The following GRK5 variants were observed in gnomAD, a reference collection of about 807,000 sequenced individuals.
GRK5 encodes g protein-coupled receptor kinase GRK5.
In GRK5, 40 loss-of-function variants were observed where a neutral mutation model predicts 78.4. That is an observed-to-expected ratio of 0.51 (90% CI 0.40 to 0.66). The LOEUF is 0.66. Ranked by LOEUF, GRK5 falls within the 30% of genes least tolerant of loss-of-function variation. GRK5 has a pLI of 0.00. For synonymous variants in GRK5, 289 were observed against 296.8 expected (o/e 0.97, Z 0.27); for missense variants, 598 against 759.9 (o/e 0.79, Z 2.50).
chr10:119,313,583 G>A (rs1356884090), intron 1 of GRK5, among the ~76,000 whole-genome samples: 2 of 152,146 alleles, frequency 1.3e-5, no homozygotes, highest in Non-Finnish European at 2.9e-5. Context: ...CAGTGAAGAT[G>A]TCATGAGGCA....
chr10:119,273,925 C>A (rs1295381028), intron 1 of GRK5, among the ~76,000 whole-genome samples: 1 of 152,176 alleles, frequency 6.6e-6, no homozygotes, highest in African/African-American at 2.4e-5. Flanking sequence ...AGGCACATGC[C>A]ACCACACCTG....
In GRK5 at chr10:119,279,054, T is replaced by A. The variant is rs575938374; in HGVS notation, c.53-47462T>A. On this transcript the variant is annotated intron_variant, in intron 1 of 15. Coordinates refer to ENST00000392870, the MANE Select transcript of GRK5 (RefSeq NM_005308.3). ...CACCATGCCAAGCTAATTTTTTGTA[T>A]TTTTTTTAGTAGAGACGGGGTTTCA... 2.7e-4 allele frequency among the ~76,000 whole-genome samples: 41 copies of A among 151,988 alleles called. No individual in the cohort carries two copies. In the East Asian group the frequency reaches 7.4e-3, roughly 27 times the overall value.
intron 1 of GRK5, among the ~76,000 whole-genome samples, chr10:119,261,726 G>A (rs1380387186): frequency 6.6e-5 from 10 of 152,172 alleles, no homozygotes; most frequent in South Asian, 2.1e-4. Flanking sequence ...GCGAAACCCC[G>A]TCTCCACCAA....
At position 119,219,550 on chromosome 10, in the gene GRK5, G is replaced by A. The variant is rs117298948; in HGVS notation, c.52+11581G>A. 4.1e-4 allele frequency among the ~76,000 whole-genome samples: 63 copies of A among 152,316 alleles called. No homozygotes were observed. In the East Asian group the frequency reaches 0.011, roughly 27 times the overall value. ...TTATGTGATGGTGAAGAAGAGAGCC[G>A]AGAAAGTGATATCCTCAAGAAATGG... On this transcript the variant is annotated intron_variant, in intron 1 of 15. Coordinates refer to ENST00000392870, the MANE Select transcript of GRK5 (RefSeq NM_005308.3).
chr10:119,451,324 G>A (rs1853280556), intron 13 of GRK5, among the ~76,000 whole-genome samples: 1 of 152,014 alleles, frequency 6.6e-6, no homozygotes, highest in South Asian at 2.1e-4. Flanking sequence ...GGGTTTGGGT[G>A]TGCCAGGTAA....
At chr10:119,390,922 GGGCGAGCCTGTCCCCTCCCTCTGAGAGA>G (rs879720016) in intron 3 of GRK5, among the ~76,000 whole-genome samples, 6 of 152,190 alleles carry the variant, frequency 3.9e-5, no homozygotes, top group South Asian at 2.1e-4. Context: ...CCCCTGAGAT[GGGCGAGCCTGTCCCCTCCCTCTGAGAGA>G]GGCGAGCCTG....
intron 12 of GRK5, among the ~76,000 whole-genome samples, chr10:119,446,863 G>T (rs1258643916): frequency 2.6e-5 from 4 of 152,184 alleles, no homozygotes; most frequent in African/African-American, 4.8e-5. Context: ...TCCCCAGCCG[G>T]TGCAGTGCCT....
intron 10 of GRK5, 135 bp from the exon 11 acceptor site, chr10:119,441,864 G>A (rs1306795825): frequency 4.5e-6 from 3 of 666,002 alleles, no homozygotes; most frequent in Non-Finnish European, 8.1e-6. Flanking sequence ...ACTCTGAGAT[G>A]GCAGATTGGG....
At chr10:119,265,519 C>T (rs939557799) in intron 1 of GRK5, among the ~76,000 whole-genome samples, 36 of 152,324 alleles carry the variant, frequency 2.4e-4, no homozygotes, top group African/African-American at 8.7e-4. Context: ...CTCGCTCTCT[C>T]TACCACATGA....
intron 3 of GRK5, among the ~76,000 whole-genome samples, chr10:119,394,769 G>GTA (rs1209397687): frequency 2.2e-5 from 3 of 133,514 alleles, no homozygotes; most frequent in African/African-American, 1.0e-4. Flanking sequence ...GTGTGTATCT[G>GTA]TGTGTGTGTG....
chr10:119,414,371 G>T (rs1323192572), intron 4 of GRK5, among the ~76,000 whole-genome samples: 1 of 152,162 alleles, frequency 6.6e-6, no homozygotes, highest in African/African-American at 2.4e-5. Flanking sequence ...TATGTTGGAC[G>T]TTAGCGTGTG....
intron 2 of GRK5, among the ~76,000 whole-genome samples, chr10:119,371,965 C>T (rs960236408): frequency 2.0e-5 from 3 of 152,222 alleles, no homozygotes; most frequent in East Asian, 3.8e-4. Flanking sequence ...AGAGTTGCTC[C>T]ACTGTGGAGA....
chr10:119,240,423 G>A lies in GRK5; in HGVS notation c.52+32454G>A, dbSNP rs966158084. On this transcript the variant is annotated intron_variant, in intron 1 of 15. Transcript: ENST00000392870. The stretch of plus-strand genomic sequence containing the variant: ...TCACCATGTTAGCCAGGATGGTCTC[G>A]ACCTCCTGACATCATGATCTGCCCG... 4.6e-5 allele frequency among the ~76,000 whole-genome samples: 7 copies of A among 151,472 alleles called. No individual in the cohort carries two copies. The East Asian group carries it at 9.7e-4, about 21-fold the overall frequency.
intron 2 of GRK5, among the ~76,000 whole-genome samples, chr10:119,361,516 T>G (rs137910193): frequency 4.6e-5 from 7 of 152,308 alleles, no homozygotes; most frequent in African/African-American, 1.7e-4. Context: ...GCTCCAATTC[T>G]ATGTTGAAGG....
In GRK5 at chr10:119,283,063, T is replaced by C. The variant is rs76653773; in HGVS notation, c.53-43453T>C. On this transcript the variant is annotated intron_variant, in intron 1 of 15. Coordinates refer to ENST00000392870, the MANE Select transcript of GRK5 (RefSeq NM_005308.3). ...CCTGGCCTGCTTTCAGTTTTTTGGT[T>C]TTGTTTTGAGGCTTCCAGTTCATTA... 7.9e-5 allele frequency among the ~76,000 whole-genome samples: 12 copies of C among 152,250 alleles called. No individual in the cohort carries two copies. The East Asian group carries it at 1.9e-3, about 25-fold the overall frequency.
intron 1 of GRK5, among the ~76,000 whole-genome samples, chr10:119,250,627 G>A (rs986901972): frequency 2.4e-4 from 37 of 151,738 alleles, no homozygotes; most frequent in African/African-American, 9.0e-4. Flanking sequence ...GGGATTACAG[G>A]CATGAGCCAC....
chr10:119,287,350 A>AGGGAGAG, intron 1 of GRK5, among the ~76,000 whole-genome samples: 1 of 1,862 alleles, frequency 5.4e-4, no homozygotes, highest in African/African-American at 1.3e-3. Context: ...GGAGGAAGGG[A>AGGGAGAG]AGGAGGAAGG....
rs557348595 is a variant in GRK5, at chr10:119,402,890, T to C, written c.339+6118T>C. 2.8e-4 allele frequency among the ~76,000 whole-genome samples: 42 copies of C among 152,298 alleles called. 1 individual carries two copies. The highest frequency in any genetic ancestry group is 4.6e-4 in the Admixed American group (7 of 15,290). ...CAAAACAAAACAAAAATACCAATTT[T>C]TTTGAGATCTATTGGTATAATTCTC... On this transcript the variant is annotated intron_variant, in intron 4 of 15. Coordinates refer to ENST00000392870, the MANE Select transcript of GRK5 (RefSeq NM_005308.3).
In GRK5 at chr10:119,338,659, G is replaced by A. The variant is rs140845803; in HGVS notation, c.148+12048G>A. ...CATCTCATGGGCTGCCCTCCTGCAG[G>A]TGAAATGACATACTGGGCCATTGGG... On this transcript the variant is annotated intron_variant, in intron 2 of 15. Transcript: ENST00000392870. Among the ~76,000 whole-genome samples, 13 of 152,274 alleles carry A rather than the reference G, an allele frequency of 8.5e-5. No individual in the cohort carries two copies. In the East Asian group the frequency reaches 2.5e-3, roughly 29 times the overall value.
Sources: gnomAD v4.1 joint callset for allele counts (sites outside exome capture counted in the v4.1 genomes callset) on GRCh38, gnomAD v4.1.1 for gene constraint, MANE v1.5 for transcripts, NCBI Gene and HGNC (gene_info 2026-07-23, HGNC 2026-07-21) for gene names.